ACSBG2: variants seen among roughly 807,000 people sequenced by gnomAD.
The protein encoded by ACSBG2 is acyl-CoA synthetase bubblegum family member 2, also known as long-chain-fatty-acid--CoA ligase ACSBG2.
ACSBG2 carries 62 observed loss-of-function variants against 74.7 expected under a neutral mutation model. The observed-to-expected ratio is 0.83, with a 90% CI of 0.68 to 1.03. ACSBG2 has a LOEUF of 1.03. Among genes scored for constraint, ACSBG2 ranks in the 50% least tolerant of loss-of-function variants. The probability of loss-of-function intolerance (pLI) is 0.00; values close to 1 mark genes in which losing one functional copy is unlikely to be tolerated. For synonymous variants in ACSBG2, 309 were observed against 294.1 expected (o/e 1.05, Z -0.52); for missense variants, 730 against 817.6 (o/e 0.89, Z 1.31).
chr19:6,191,302 TTGTCCTA>T (rs747158905), intron 14 of ACSBG2: 5 of 152,126 alleles, frequency 3.3e-5, no homozygotes, highest in African/African-American at 4.8e-5. Flanking sequence ...GCATCTTCAA[TTGTCCTA>T]TAGGCTGCCT....
intron 5 of ACSBG2, among the ~76,000 whole-genome samples, chr19:6,159,782 C>T (rs1455976382): frequency 6.6e-6 from 1 of 152,122 alleles, no homozygotes; most frequent in Non-Finnish European, 1.5e-5. Flanking sequence ...CTGATCTGGG[C>T]CTCACCATTC....
At chr19:6,190,812 TACACACACACACACACACACACAC>T (rs58730661) in intron 14 of ACSBG2, 120 bp downstream of exon 14, 28 of 336,720 alleles carry the variant, frequency 8.3e-5, no homozygotes, top group Non-Finnish European at 8.0e-5. Flanking sequence ...CACACATACA[TACACACACACACACACACACACAC>T]ACACACACAC....
rs2090215942 is a variant in ACSBG2 at position 6,180,432 on chromosome 19, C to T, written c.907-2319C>T. Among the ~76,000 whole-genome samples the T allele has an allele frequency of 6.6e-6, 1 of 152,142 alleles. No homozygotes were observed. The highest frequency in any genetic ancestry group is 2.4e-5 in the African/African-American group (1 of 41,432). On this transcript the variant is annotated intron_variant, in intron 8 of 14. Coordinates refer to ENST00000588485, the MANE Select transcript of ACSBG2 (RefSeq NM_030924.5). The surrounding 1 kb of genome is among the most constrained non-coding windows in gnomAD (Gnocchi z 4.3). ...ATATTTCCTTGGCCCCTCTCAATCC[C>T]TCTCATATGCCCCATGCTCAGTGCC...
Position 6,187,384 on chromosome 19 carries a change from G to C in ACSBG2, c.1642G>C (p.Asp548His). The change falls in exon 12 of 15, where the codon GAT (aspartate) becomes CAT (histidine). Residue 548 changes from aspartate to histidine, a missense_variant. Transcript: ENST00000588485. ...PIISNAMLVG[D>H]KLKFLSMLLT... Reference sequence around the variant, plus strand: ...CATCAGTAACGCCATGTTAGTAGGAGATAAACTGAAGTTTCTGAGCATGTT... The same window carrying C: ...CATCAGTAACGCCATGTTAGTAGGACATAAACTGAAGTTTCTGAGCATGTT... 1 of 1,614,168 alleles carries C rather than the reference G, an allele frequency of 6.2e-7. No individual in the cohort carries two copies. The highest frequency in any genetic ancestry group is 2.2e-5 in the East Asian group (1 of 44,884).
intron 7 of ACSBG2, among the ~76,000 whole-genome samples, chr19:6,166,894 C>T (rs2089826452): frequency 1.3e-5 from 2 of 152,196 alleles, no homozygotes; most frequent in Non-Finnish European, 2.9e-5. Flanking sequence ...CTGCCTCGGC[C>T]TCCCAAAGTG....
chr19:6,177,626 A>G (rs1001333032), intron 8 of ACSBG2, among the ~76,000 whole-genome samples: 4 of 152,180 alleles, frequency 2.6e-5, no homozygotes, highest in Admixed American at 6.5e-5. Context: ...AGATTGCTTG[A>G]GCTCAGGAGT....
At chr19:6,151,900 A>G (rs1294576686) in intron 4 of ACSBG2, 105 bp downstream of exon 4, 1 of 1,025,208 alleles carries the variant, frequency 9.8e-7, no homozygotes, top group African/African-American at 1.6e-5. Context: ...ATTTTGGATG[A>G]ACGCCCTAGT....
chr19:6,151,448 C>T (rs2089236572), intron 3 of ACSBG2, among the ~76,000 whole-genome samples: 1 of 152,108 alleles, frequency 6.6e-6, no homozygotes, highest in Admixed American at 6.6e-5. Flanking sequence ...GCCGGGACGA[C>T]AAGTGTGTAC....
intron 13 of ACSBG2, among the ~76,000 whole-genome samples, chr19:6,189,275 T>A (rs2145286975): frequency 6.6e-6 from 1 of 152,308 alleles, no homozygotes; most frequent in East Asian, 1.9e-4. Context: ...CTGTCTTCTT[T>A]AAAGCATCAG....
chr19:6,138,523 GAAA>G, intron 1 of ACSBG2, among the ~76,000 whole-genome samples: 1 of 115,330 alleles, frequency 8.7e-6, no homozygotes, highest in Non-Finnish European at 1.7e-5. Context: ...GAGGAAGGAG[GAAA>G]AGGAAGGAAG....
At chr19:6,154,433 A>AGAG (rs1555691736) in intron 4 of ACSBG2, among the ~76,000 whole-genome samples, 132 of 47,786 alleles carry the variant, frequency 2.8e-3, no homozygotes, top group East Asian at 0.012. Flanking sequence ...AGAGAGAGAG[A>AGAG]AAATTATTAT....
chr19:6,184,874 G>GAAAAAAAAAAAAAAAAAAAAAA (rs1305163415), intron 10 of ACSBG2, among the ~76,000 whole-genome samples: 2 of 49,220 alleles, frequency 4.1e-5, no homozygotes, highest in African/African-American at 1.4e-4. Flanking sequence ...AAAAAAAAAC[G>GAAAAAAAAAAAAAAAAAAAAAA]AAAAACAGCC....
Position 6,187,818 on chromosome 19 carries a change from G to A in ACSBG2, c.1900G>A (p.Asp634Asn), listed in dbSNP as rs752035318. ...RIEKWVILEK[D>N]FSIYGGELGP... is the part of the protein sequence containing the mutation. ...TGAAAAGTGGGTCATCTTGGAGAAG[G>A]ACTTTTCCATCTATGGTGGAGAGCT... Residue 634 changes from aspartate to asparagine, a missense_variant, in exon 13 of 15, where the codon GAC becomes AAC. Asp to Asn is a conservative substitution (Grantham distance 23, BLOSUM62 1). Coordinates refer to ENST00000588485, the MANE Select transcript of ACSBG2 (RefSeq NM_030924.5). 1.2e-5 allele frequency: 19 copies of A among 1,614,064 alleles called. No individual in the cohort carries two copies. In the African/African-American group the frequency reaches 2.1e-4, roughly 18 times the overall value.
At chr19:6,187,443 T>C (rs371771173) in intron 12 of ACSBG2, 21 bp downstream of exon 12, 18 of 1,613,380 alleles carry the variant, frequency 1.1e-5, no homozygotes, top group Middle Eastern at 1.6e-4. Context: ...TTTGCTGTCA[T>C]TGGGGGAAGT....
intron 13 of ACSBG2, among the ~76,000 whole-genome samples, chr19:6,188,814 A>C (rs752787559): frequency 6.6e-6 from 1 of 152,060 alleles, no homozygotes; most frequent in Non-Finnish European, 1.5e-5. Flanking sequence ...AGGGGATGAA[A>C]TCATCGGATG....
chr19:6,141,196 T>C (rs1389133449), intron 1 of ACSBG2, among the ~76,000 whole-genome samples: 1 of 152,218 alleles, frequency 6.6e-6, no homozygotes, highest in African/African-American at 2.4e-5. Context: ...GATAAATGTG[T>C]GGTCCCATGA....
chr19:6,173,970 T>C (rs990633941), intron 7 of ACSBG2, among the ~76,000 whole-genome samples: 2 of 149,324 alleles, frequency 1.3e-5, no homozygotes, highest in African/African-American at 5.0e-5. Flanking sequence ...CAGAGTCTGC[T>C]CTGTCGCTCA....
At position 6,136,583 on chromosome 19, in the gene ACSBG2, G is replaced by A. The variant is rs534911827; in HGVS notation, c.-32+674G>A. 6.6e-5 allele frequency among the ~76,000 whole-genome samples: 10 copies of A among 151,684 alleles called. No individual in the cohort carries two copies. The South Asian group carries it at 8.4e-4, about 13-fold the overall frequency. On this transcript the variant is annotated intron_variant, in intron 1 of 14. Transcript: ENST00000588485. ...TCACCATGCCAGCCAGGCTGGTCTC[G>A]AACTCCTGGCCTCAAGCGATCCACC...
At position 6,190,700 on chromosome 19, in the gene ACSBG2, TCA is replaced by T; in HGVS notation, c.*35+9_*35+10del. ...CTCTCAGCTGTTCTGATGGTGAGAT[TCA>T]GTTGCTTGGCTTTGCTGGGCTATGC... On this transcript the variant is annotated intron_variant, in intron 14 of 14. Coordinates refer to ENST00000588485, the MANE Select transcript of ACSBG2 (RefSeq NM_030924.5). 1.3e-6 allele frequency: 2 copies of T among 1,587,470 alleles called. No individual in the cohort carries two copies. The highest frequency in any genetic ancestry group is 2.2e-5 in the South Asian group (2 of 90,510).
Sources: allele counts gnomAD v4.1 joint callset (sites outside exome capture counted in the v4.1 genomes callset), GRCh38; gene constraint gnomAD v4.1.1; non-coding constraint Gnocchi (gnomAD v3.1); transcripts MANE v1.5; gene names NCBI Gene and HGNC (gene_info 2026-07-23, HGNC 2026-07-21).